The following ADARB2 variants were observed in gnomAD, a reference collection of about 807,000 sequenced individuals.
The protein encoded by ADARB2 is inactive double-stranded RNA-specific editase B2.
ADARB2 carries 25 observed loss-of-function variants against 62.2 expected under a neutral mutation model. The observed-to-expected ratio is 0.40, with a 90% CI of 0.29 to 0.56. The LOEUF (loss-of-function observed/expected upper bound fraction) is 0.56. Among genes scored for constraint, ADARB2 ranks in the 20% least tolerant of loss-of-function variants. The probability of loss-of-function intolerance (pLI) is 0.43; values close to 1 mark genes in which losing one functional copy is unlikely to be tolerated. For synonymous variants in ADARB2, 572 were observed against 500.8 expected (o/e 1.14, Z -1.90); for missense variants, 1,071 against 1,077.4 (o/e 0.99, Z 0.08).
At chr10:1,240,715 C>G (rs41304585) in intron 5 of ADARB2, among the ~76,000 whole-genome samples, 15,968 of 152,170 alleles carry the variant, frequency 0.1, 1,122 homozygotes, top group Non-Finnish European at 0.15. Flanking sequence ...TGTCTGTGGA[C>G]CCCCCCAGCT....
chr10:1,273,552 C>T (rs545661315), intron 3 of ADARB2, among the ~76,000 whole-genome samples: 2 of 152,296 alleles, frequency 1.3e-5, no homozygotes, highest in South Asian at 4.1e-4. Context: ...GGCTGGCTGC[C>T]CACATCTAAA....
At chr10:1,234,727 C>T (rs953818684) in intron 5 of ADARB2, among the ~76,000 whole-genome samples, 11 of 136,860 alleles carry the variant, frequency 8.0e-5, no homozygotes, top group South Asian at 2.5e-4. Context: ...CAGGTGCGAG[C>T]GACCATGATC....
intron 8 of ADARB2, chr10:1,199,358 T>A (rs1836952908): frequency 6.6e-6 from 1 of 152,278 alleles, no homozygotes. Flanking sequence ...TGCAGCTGGC[T>A]GTGTGCCAGG....
At chr10:1,727,691 AT>A (rs1274050516) in intron 1 of ADARB2, among the ~76,000 whole-genome samples, 2 of 152,172 alleles carry the variant, frequency 1.3e-5, no homozygotes, top group Non-Finnish European at 2.9e-5. Context: ...GATAATTTAT[AT>A]ATATATATAG....
At chr10:1,503,849 C>A (rs537432415) in intron 1 of ADARB2, among the ~76,000 whole-genome samples, 2 of 152,230 alleles carry the variant, frequency 1.3e-5, no homozygotes, top group South Asian at 2.1e-4. Flanking sequence ...CCTGTCTTCA[C>A]CTTCTGCCAT....
chr10:1,505,321 A>G (rs2131940840), intron 1 of ADARB2, among the ~76,000 whole-genome samples: 1 of 151,890 alleles, frequency 6.6e-6, no homozygotes, highest in East Asian at 1.9e-4. Flanking sequence ...TGTGATGATG[A>G]CGCTGAGGAA....
chr10:1,715,022 T>G (rs958407536), intron 1 of ADARB2, among the ~76,000 whole-genome samples: 36 of 106,158 alleles, frequency 3.4e-4, no homozygotes, highest in African/African-American at 1.0e-3. Flanking sequence ...CCCACAACAG[T>G]CCCCGGTGTG....
chr10:1,374,889 C>T (rs1432530970), intron 2 of ADARB2, among the ~76,000 whole-genome samples: 2 of 151,962 alleles, frequency 1.3e-5, no homozygotes, highest in African/African-American at 4.8e-5. Flanking sequence ...TCCATGAAGC[C>T]CCACTTAGGG....
At chr10:1,578,161 T>G (rs6560740) in intron 1 of ADARB2, among the ~76,000 whole-genome samples, 94,288 of 152,004 alleles carry the variant, frequency 0.62, 29,611 homozygotes, top group African/African-American at 0.68. Context: ...GGATGGAAAT[T>G]TGAACGAGGT....
intron 1 of ADARB2, among the ~76,000 whole-genome samples, chr10:1,685,151 G>A (rs1834583318): frequency 6.6e-6 from 1 of 152,212 alleles, no homozygotes; most frequent in Non-Finnish European, 1.5e-5. Flanking sequence ...AGCAGGGCAT[G>A]TCTGCCAGCC....
At chr10:1,669,649 TACAC>T (rs1298785176) in intron 1 of ADARB2, among the ~76,000 whole-genome samples, 3 of 96,516 alleles carry the variant, frequency 3.1e-5, no homozygotes, top group African/African-American at 8.2e-5. Flanking sequence ...CACATGCAGA[TACAC>T]ACACAGGGAG....
chr10:1,606,882 C>T (rs1326838544), intron 1 of ADARB2, among the ~76,000 whole-genome samples: 2 of 152,160 alleles, frequency 1.3e-5, no homozygotes, highest in Non-Finnish European at 2.9e-5. Context: ...GTGAAACGGC[C>T]TGTGCTGTTG....
At chr10:1,437,835 G>A (rs1459339549) in intron 1 of ADARB2, among the ~76,000 whole-genome samples, 1 of 152,196 alleles carries the variant, frequency 6.6e-6, no homozygotes, top group Non-Finnish European at 1.5e-5. Context: ...ATGGGCAGAG[G>A]ATATGGGACG....
intron 1 of ADARB2, among the ~76,000 whole-genome samples, chr10:1,735,676 C>T (rs1010162866): frequency 1.3e-5 from 2 of 152,154 alleles, no homozygotes; most frequent in African/African-American, 2.4e-5. Context: ...CAAAGTGAAT[C>T]GCAAGCGCAC....
intron 1 of ADARB2, among the ~76,000 whole-genome samples, chr10:1,573,764 T>A (rs1040193469): frequency 6.6e-6 from 1 of 152,142 alleles, no homozygotes; most frequent in African/African-American, 2.4e-5. Context: ...CAAGGCAAGA[T>A]GATGGGGGCC....
chr10:1,412,609 G>A (rs535413282), intron 1 of ADARB2, among the ~76,000 whole-genome samples: 42 of 152,200 alleles, frequency 2.8e-4, no homozygotes, highest in African/African-American at 8.2e-4. Context: ...AGGATGGGCC[G>A]GACCGCGTTT....
At chr10:1,579,717 G>A (rs762315550) in intron 1 of ADARB2, among the ~76,000 whole-genome samples, 1 of 152,178 alleles carries the variant, frequency 6.6e-6, no homozygotes, top group Non-Finnish European at 1.5e-5. Context: ...GAGGAAGGAC[G>A]AACTTCTCAA....
intron 1 of ADARB2, among the ~76,000 whole-genome samples, chr10:1,582,333 G>T (rs940859469): frequency 6.6e-6 from 1 of 152,128 alleles, no homozygotes; most frequent in African/African-American, 2.4e-5. Context: ...GCCCCTATCA[G>T]CAGCAGCCCT....
chr10:1,585,760 T>A (rs935670159), intron 1 of ADARB2, among the ~76,000 whole-genome samples: 4 of 152,166 alleles, frequency 2.6e-5, no homozygotes, highest in Non-Finnish European at 4.4e-5. Context: ...TGTGTCTGGG[T>A]GCGGTGTCTC....
Sources: allele counts gnomAD v4.1 joint callset (sites outside exome capture counted in the v4.1 genomes callset), GRCh38; gene constraint gnomAD v4.1.1; transcripts MANE v1.5; gene names NCBI Gene and HGNC (gene_info 2026-07-23, HGNC 2026-07-21).